LSAMP: variants seen among roughly 807,000 people sequenced by gnomAD.
The protein encoded by LSAMP is limbic system associated membrane protein.
In LSAMP, 7 loss-of-function variants were observed where a neutral mutation model predicts 38.6. The observed-to-expected ratio is 0.18, with a 90% CI of 0.10 to 0.34. LSAMP has a LOEUF of 0.34. Ranked by LOEUF, LSAMP falls within the 10% of genes least tolerant of loss-of-function variation. The pLI, the probability that LSAMP is intolerant of heterozygous loss-of-function variation, is 1.00. For synonymous variants in LSAMP, 154 were observed against 166.8 expected (o/e 0.92, Z 0.59); for missense variants, 313 against 420.0 (o/e 0.75, Z 2.23).
chr3:116,192,305 G>A (rs1389811987), intron 1 of LSAMP, among the ~76,000 whole-genome samples: 1 of 152,130 alleles, frequency 6.6e-6, no homozygotes, highest in Non-Finnish European at 1.5e-5. Context: ...AGAATTGGAA[G>A]GAAATGGAAC....
intron 3 of LSAMP, among the ~76,000 whole-genome samples, chr3:115,968,756 G>A (rs572672057): frequency 6.6e-6 from 1 of 152,294 alleles, no homozygotes; most frequent in East Asian, 1.9e-4. Context: ...GCTTAGCACA[G>A]CACCAGGACT....
intron 1 of LSAMP, among the ~76,000 whole-genome samples, chr3:116,255,331 A>G (rs2046735610): frequency 6.6e-6 from 1 of 152,222 alleles, no homozygotes; most frequent in Admixed American, 6.5e-5. Flanking sequence ...GCAAAATCAT[A>G]CAAGAGAGAG....
At chr3:116,104,459 C>T (rs1708417336) in intron 1 of LSAMP, among the ~76,000 whole-genome samples, 1 of 151,322 alleles carries the variant, frequency 6.6e-6, no homozygotes, top group Admixed American at 6.6e-5. Flanking sequence ...TCATGTTCTT[C>T]CATGCAGCTC....
chr3:116,119,722 G>A lies in LSAMP; in HGVS notation c.156-33166C>T, dbSNP rs1708833700. On this transcript the variant is annotated intron_variant, in intron 1 of 6. Transcript: ENST00000490035. ...TACCCAGGCTGGAGTACAGTGGTGC[G>A]ATCTCGGCTCACTGCAACCTTTGCC... Among the ~76,000 whole-genome samples, 4 of 150,098 alleles carry A rather than the reference G, an allele frequency of 2.7e-5. No individual in the cohort carries two copies. In the South Asian group the frequency reaches 6.4e-4, roughly 24 times the overall value.
intron 3 of LSAMP, among the ~76,000 whole-genome samples, chr3:116,012,796 G>A (rs1920388): frequency 0.47 from 71,140 of 151,960 alleles, 18,144 homozygotes; most frequent in African/African-American, 0.69. Flanking sequence ...GTTAACTATA[G>A]TTACAATAAA....
intron 1 of LSAMP, among the ~76,000 whole-genome samples, chr3:116,439,424 C>G (rs985254454): frequency 2.0e-5 from 3 of 151,026 alleles, no homozygotes; most frequent in Non-Finnish European, 4.4e-5. Context: ...GTGAGAAATG[C>G]AAATTCTCAG....
At chr3:115,867,939 C>T (rs977893643) in intron 3 of LSAMP, among the ~76,000 whole-genome samples, 5 of 152,240 alleles carry the variant, frequency 3.3e-5, no homozygotes, top group South Asian at 2.1e-4. Flanking sequence ...ATTCACAAAA[C>T]GGGAGTTTTC....
chr3:116,008,114 T>C (rs1443236455), intron 3 of LSAMP, among the ~76,000 whole-genome samples: 3 of 152,238 alleles, frequency 2.0e-5, no homozygotes, highest in Non-Finnish European at 2.9e-5. Context: ...TATTGTGTTC[T>C]GTGGAACTTA....
chr3:115,829,108 G>T (rs770217963), intron 6 of LSAMP, among the ~76,000 whole-genome samples: 24 of 152,136 alleles, frequency 1.6e-4, no homozygotes, highest in Non-Finnish European at 3.1e-4. Flanking sequence ...TTAAATAATG[G>T]TGTGAATAAA....
chr3:115,829,738 T>C (rs1934548180), intron 6 of LSAMP, among the ~76,000 whole-genome samples: 1 of 152,198 alleles, frequency 6.6e-6, no homozygotes, highest in African/African-American at 2.4e-5. Flanking sequence ...ATTATGATAT[T>C]GGTAAGAAAA....
chr3:116,245,730 C>A (rs960986024), intron 1 of LSAMP, among the ~76,000 whole-genome samples: 1 of 152,038 alleles, frequency 6.6e-6, no homozygotes, highest in Non-Finnish European at 1.5e-5. Flanking sequence ...GAGATTATAG[C>A]CACTTTCTTG....
At chr3:115,921,484 A>G (rs1937381094) in intron 3 of LSAMP, among the ~76,000 whole-genome samples, 1 of 152,088 alleles carries the variant, frequency 6.6e-6, no homozygotes, top group Admixed American at 6.5e-5. Context: ...TTGATGCCAC[A>G]AATTATATCC....
chr3:116,042,937 T>C (rs1941207155), intron 2 of LSAMP, among the ~76,000 whole-genome samples: 1 of 152,184 alleles, frequency 6.6e-6, no homozygotes. Flanking sequence ...GCCTTTTTTA[T>C]CGCTCAATCT....
intron 1 of LSAMP, among the ~76,000 whole-genome samples, chr3:116,197,674 TTAA>T (rs1710924969): frequency 6.6e-6 from 1 of 152,168 alleles, no homozygotes; most frequent in Non-Finnish European, 1.5e-5. Flanking sequence ...CAAATTATTC[TTAA>T]TAATGAGAAT....
chr3:116,120,292 G>A (rs992271185), intron 1 of LSAMP, among the ~76,000 whole-genome samples: 17 of 152,066 alleles, frequency 1.1e-4, no homozygotes, highest in Admixed American at 8.5e-4. Context: ...AATTTACGGC[G>A]TAAGACATAA....
At position 116,312,294 on chromosome 3, in the gene LSAMP, G is replaced by T. The variant is rs77315189; in HGVS notation, c.155+132583C>A. 5.7e-3 allele frequency among the ~76,000 whole-genome samples: 861 copies of T among 152,230 alleles called. 4 individuals carry two copies. The highest frequency in any genetic ancestry group is 7.3e-3 in the Non-Finnish European group (496 of 68,028). On this transcript the variant is annotated intron_variant, in intron 1 of 6. Transcript: ENST00000490035. ...ATGGCAGGTGAATCGGACAAAAAGG[G>T]CTCCTTAGAAATGTTGGCTCAGCAA...
intron 1 of LSAMP, among the ~76,000 whole-genome samples, chr3:116,235,130 C>T (rs2046448909): frequency 6.8e-6 from 1 of 146,722 alleles, no homozygotes; most frequent in Non-Finnish European, 1.5e-5. Flanking sequence ...TGTTTTCCTG[C>T]TAAAGTGTGT....
At chr3:116,187,631 A>C (rs567144061) in intron 1 of LSAMP, among the ~76,000 whole-genome samples, 103 of 152,194 alleles carry the variant, frequency 6.8e-4, no homozygotes, top group African/African-American at 2.3e-3. Flanking sequence ...CTTCATAGAT[A>C]TTACACAGTA....
intron 1 of LSAMP, among the ~76,000 whole-genome samples, chr3:116,232,373 T>G (rs751794653): frequency 1.5e-4 from 23 of 152,358 alleles, no homozygotes; most frequent in Middle Eastern, 3.4e-3. Context: ...AAATTAGATT[T>G]CCTTAGATTT....
Sources: allele counts gnomAD v4.1 joint callset (sites outside exome capture counted in the v4.1 genomes callset), GRCh38; gene constraint gnomAD v4.1.1; transcripts MANE v1.5; gene names NCBI Gene and HGNC (gene_info 2026-07-23, HGNC 2026-07-21).